The following NDST4 variants were observed in gnomAD, a reference collection of about 807,000 sequenced individuals.
NDST4 encodes the protein N-deacetylase and N-sulfotransferase 4, also known as N-heparan sulfate sulfotransferase 4.
NDST4 carries 63 observed loss-of-function variants against 100.8 expected under a neutral mutation model. That is an observed-to-expected ratio of 0.62 (90% confidence interval 0.51 to 0.77). The LOEUF (loss-of-function observed/expected upper bound fraction) is 0.77. Among genes scored for constraint, NDST4 ranks in the 30% least tolerant of loss-of-function variants. NDST4 has a pLI of 0.00. For missense variants in NDST4, 943 were observed against 1,018.4 expected (o/e 0.93, Z 1.01); for synonymous variants, 377 against 361.8 (o/e 1.04, Z -0.48).
At chr4:114,908,487 C>G (rs1724997990) in intron 6 of NDST4, among the ~76,000 whole-genome samples, 1 of 151,970 alleles carries the variant, frequency 6.6e-6, no homozygotes, top group Admixed American at 6.6e-5. Flanking sequence ...ACAATGTTGA[C>G]TTACTTTTTA....
intron 1 of NDST4, among the ~76,000 whole-genome samples, chr4:115,081,616 TA>T (rs1729304409): frequency 6.6e-6 from 1 of 152,070 alleles, no homozygotes; most frequent in African/African-American, 2.4e-5. Flanking sequence ...CACATAAAAT[TA>T]AAAAAATTAC....
At chr4:114,964,611 A>G (rs947669402) in intron 4 of NDST4, among the ~76,000 whole-genome samples, 3 of 152,204 alleles carry the variant, frequency 2.0e-5, no homozygotes, top group African/African-American at 7.2e-5. Flanking sequence ...TTGTGGTAAG[A>G]ACAATTAACA....
intron 2 of NDST4, among the ~76,000 whole-genome samples, chr4:114,985,005 C>G (rs927521612): frequency 1.3e-5 from 2 of 152,140 alleles, no homozygotes; most frequent in African/African-American, 4.8e-5. Context: ...TAACAAAAAA[C>G]TTATACCAAG....
intron 4 of NDST4, 39 bp from the exon 5 acceptor site, chr4:114,937,542 C>A: frequency 1.4e-6 from 2 of 1,453,546 alleles, no homozygotes; most frequent in East Asian, 2.3e-5. Flanking sequence ...TGGGACAAGG[C>A]CAATTAATTC....
intron 4 of NDST4, among the ~76,000 whole-genome samples, chr4:114,941,104 A>T (rs929700944): frequency 2.6e-5 from 4 of 152,174 alleles, no homozygotes; most frequent in Non-Finnish European, 4.4e-5. Context: ...TTCCTGCCTC[A>T]TGTCTGCATC....
Position 115,009,344 on chromosome 4 carries a change from T to A in NDST4, c.979-32070A>T, listed in dbSNP as rs1727490903. On this transcript the variant is annotated intron_variant, in intron 2 of 13. Transcript: ENST00000264363. ...ACTGGTACCAAAACAGAGATATAGA[T>A]CAATGGAACAGAACAGAGCCCTCAG... is the stretch of plus-strand genomic sequence containing the variant. Among the ~76,000 whole-genome samples, 2 of 127,584 alleles carry A rather than the reference T, an allele frequency of 1.6e-5. 1 individual carries two copies. The highest frequency in any genetic ancestry group is 1.6e-4 in the Admixed American group (2 of 12,536). The allele number at this position is 127,584 out of a possible 152,430, so 83.7% of individuals were successfully genotyped here.
At position 114,996,515 on chromosome 4, in the gene NDST4, A is replaced by G. The variant is rs556448382; in HGVS notation, c.979-19241T>C. On this transcript the variant is annotated intron_variant, in intron 2 of 13. Coordinates refer to ENST00000264363, the MANE Select transcript of NDST4 (RefSeq NM_022569.3). ...TTTTGTGTATGAAAAGACTTTTTCAAGATAAGAACACCTTTAAGTAATAGA... is the reference window on the plus strand; with the variant it reads ...TTTTGTGTATGAAAAGACTTTTTCAGGATAAGAACACCTTTAAGTAATAGA... 7.1e-4 allele frequency among the ~76,000 whole-genome samples: 108 copies of G among 152,228 alleles called. 1 individual carries two copies. The highest frequency in any genetic ancestry group is 5.8e-4 in the East Asian group (3 of 5,178).
chr4:115,033,117 T>TTA (rs1314700678), intron 2 of NDST4, among the ~76,000 whole-genome samples: 2 of 134,376 alleles, frequency 1.5e-5, no homozygotes, highest in East Asian at 2.1e-4. Flanking sequence ...AATGCAAAAA[T>TTA]TATATATATA....
chr4:115,088,306 CTCT>C (rs1729446993), intron 1 of NDST4, among the ~76,000 whole-genome samples: 1 of 141,962 alleles, frequency 7.0e-6, no homozygotes, highest in East Asian at 2.2e-4. Context: ...TAATGTATAT[CTCT>C]TCTAAAGTTA....
chr4:114,989,414 AT>A (rs1560846879), intron 2 of NDST4, among the ~76,000 whole-genome samples: 1 of 152,210 alleles, frequency 6.6e-6, no homozygotes, highest in Non-Finnish European at 1.5e-5. Context: ...TTCAAGAAAT[AT>A]TTAAGCAGCT....
At chr4:115,069,849 C>A (rs1257436119) in intron 2 of NDST4, among the ~76,000 whole-genome samples, 5 of 152,200 alleles carry the variant, frequency 3.3e-5, no homozygotes, top group African/African-American at 1.2e-4. Flanking sequence ...TGCCACTGCA[C>A]CCCCACCTGG....
intron 4 of NDST4, among the ~76,000 whole-genome samples, chr4:114,938,017 G>A (rs560837592): frequency 6.6e-6 from 1 of 152,276 alleles, no homozygotes; most frequent in South Asian, 2.1e-4. Context: ...AGCTCTCTGA[G>A]CCTGGAGGGC....
At chr4:115,035,895 T>C (rs1332001961) in intron 2 of NDST4, among the ~76,000 whole-genome samples, 2 of 152,022 alleles carry the variant, frequency 1.3e-5, no homozygotes, top group Admixed American at 6.6e-5. Flanking sequence ...TATAGAATTG[T>C]ATTTACAATG....
chr4:114,906,819 C>T (rs1724959863), intron 6 of NDST4, among the ~76,000 whole-genome samples: 2 of 151,910 alleles, frequency 1.3e-5, no homozygotes, highest in Admixed American at 1.3e-4. Flanking sequence ...GTATCTAGAT[C>T]CAGCTCTTCT....
chr4:114,859,683 TA>T (rs1645024272), intron 7 of NDST4, among the ~76,000 whole-genome samples: 1 of 152,184 alleles, frequency 6.6e-6, no homozygotes, highest in Non-Finnish European at 1.5e-5. Flanking sequence ...TCTCAGGGGA[TA>T]GCCCACCTCC....
At chr4:115,065,018 A>T (rs1728915631) in intron 2 of NDST4, among the ~76,000 whole-genome samples, 1 of 152,076 alleles carries the variant, frequency 6.6e-6, no homozygotes. Flanking sequence ...CCTCTGTCTG[A>T]TTCTATACAT....
At chr4:114,863,807 C>A (rs1381818014) in intron 7 of NDST4, among the ~76,000 whole-genome samples, 2 of 152,112 alleles carry the variant, frequency 1.3e-5, no homozygotes, top group Non-Finnish European at 2.9e-5. Context: ...TAAACATAAA[C>A]AAAGCAGGCA....
chr4:114,831,067 A>C (rs566254706), intron 12 of NDST4, among the ~76,000 whole-genome samples: 18 of 151,098 alleles, frequency 1.2e-4, no homozygotes, highest in Non-Finnish European at 2.2e-4. Flanking sequence ...TTTTTTTGAG[A>C]CGGAGTCTCG....
chr4:114,959,490 T>C (rs1349907538), intron 4 of NDST4, among the ~76,000 whole-genome samples: 1 of 152,144 alleles, frequency 6.6e-6, no homozygotes, highest in African/African-American at 2.4e-5. Context: ...TCTTACATGG[T>C]GGCAGGCAAT....
Sources: gnomAD v4.1 joint callset for allele counts (sites outside exome capture counted in the v4.1 genomes callset) on GRCh38, gnomAD v4.1.1 for gene constraint, MANE v1.5 for transcripts, NCBI Gene and HGNC (gene_info 2026-07-23, HGNC 2026-07-21) for gene names.